Variants in OLFM3 observed in about 807,000 individuals in gnomAD.
OLFM3 encodes noelin-3.
In OLFM3, 20 loss-of-function variants were observed where a neutral mutation model predicts 48.6. The ratio of observed to expected loss-of-function variants is 0.41; its 90% CI spans 0.29 to 0.60. The LOEUF (loss-of-function observed/expected upper bound fraction) is 0.60. Among genes scored for constraint, OLFM3 ranks in the 20% least tolerant of loss-of-function variants. The pLI is 0.28. For synonymous variants in OLFM3, 222 were observed against 198.1 expected, an observed-to-expected ratio of 1.12 and a Z score of -1.01; for missense variants, 437 against 544.3, an observed-to-expected ratio of 0.80 and a Z score of 1.96.
At chr1:101,949,360 C>T (rs1015525481) in intron 1 of OLFM3, among the ~76,000 whole-genome samples, 3 of 152,146 alleles carry the variant, frequency 2.0e-5, no homozygotes, top group Non-Finnish European at 4.4e-5. Flanking sequence ...TAAATGAGTT[C>T]ATGCAATCGT....
chr1:101,925,026 C>T (rs558297616), intron 1 of OLFM3, among the ~76,000 whole-genome samples: 1 of 152,026 alleles, frequency 6.6e-6, no homozygotes, highest in Non-Finnish European at 1.5e-5. Context: ...AAATAAAATA[C>T]AAAACATTCA....
chr1:101,966,350 T>TGTGTGTGTGTGTGC (rs542204512), intron 1 of OLFM3, among the ~76,000 whole-genome samples: 2 of 99,908 alleles, frequency 2.0e-5, no homozygotes, highest in African/African-American at 3.9e-5. Context: ...TGTGTGTGTG[T>TGTGTGTGTGTGTGC]GCGCTACAGA....
chr1:101,955,160 T>C (rs1251051745), intron 1 of OLFM3, among the ~76,000 whole-genome samples: 2 of 151,996 alleles, frequency 1.3e-5, no homozygotes, highest in African/African-American at 2.4e-5. Context: ...ACCTATATCG[T>C]CATTGGAGAT....
At position 101,890,373 on chromosome 1, in the gene OLFM3, A is replaced by G. The variant is rs146066827; in HGVS notation, c.70-53348T>C. Among the ~76,000 whole-genome samples the G allele has an allele frequency of 5.0e-4, 76 of 151,936 alleles. 1 individual carries two copies. Among genetic ancestry groups the G allele is most frequent in the African/African-American group, 1.8e-3 (73 of 41,492 alleles). On this transcript the variant is annotated intron_variant, in intron 1 of 5. Transcript: ENST00000370103. The stretch of plus-strand genomic sequence containing the variant: ...CCTATAGACACACACACACACACAC[A>G]TACACACAGAAAGAGGAAAACAATC...
At chr1:101,922,783 G>A (rs1659139582) in intron 1 of OLFM3, among the ~76,000 whole-genome samples, 1 of 152,148 alleles carries the variant, frequency 6.6e-6, no homozygotes, top group Non-Finnish European at 1.5e-5. Flanking sequence ...GTATCACAAT[G>A]TGCCTATGAA....
At chr1:101,976,135 T>C (rs1021893686) in intron 1 of OLFM3, among the ~76,000 whole-genome samples, 1 of 152,204 alleles carries the variant, frequency 6.6e-6, no homozygotes, top group African/African-American at 2.4e-5. Context: ...AATTTGCAAT[T>C]GGTGATGTGT....
Position 101,990,989 on chromosome 1 carries a change from TAAAAAAAAA to T in OLFM3, c.69+5750_69+5758del, listed in dbSNP as rs58481588. On this transcript the variant is annotated intron_variant, in intron 1 of 5. Coordinates refer to ENST00000370103, the MANE Select transcript of OLFM3 (RefSeq NM_058170.4). ...GACAGAGCGAGACTCTGTCAAAAAG[TAAAAAAAAA>T]AAAAAAAAAAAAAAAAAAATATATA... is the stretch of plus-strand genomic sequence containing the variant. 5.6e-4 allele frequency among the ~76,000 whole-genome samples: 5 copies of T among 8,902 alleles called. No individual in the cohort carries two copies. The South Asian group carries it at 0.033, about 58-fold the overall frequency. 5.8% of individuals were successfully genotyped at this position (8,902 alleles called of 152,430 possible). A position where few individuals can be genotyped will look rare whatever the true frequency, so the allele number is the denominator to read the frequency against.
In OLFM3 at chr1:101,880,705, C is replaced by T. The variant is rs564455315; in HGVS notation, c.70-43680G>A. Among the ~76,000 whole-genome samples the T allele has an allele frequency of 7.0e-4, 106 of 151,886 alleles. 2 individuals are homozygous for T. The highest frequency in any genetic ancestry group is 6.8e-3 in the Middle Eastern group (2 of 292). ...AAGCTTCTGATGATTCAAACCTGTA[C>T]TACTGATTATTAAGCAGGACAGACT... On this transcript the variant is annotated intron_variant, in intron 1 of 5. Transcript: ENST00000370103.
At chr1:101,885,764 T>C (rs992347530) in intron 1 of OLFM3, among the ~76,000 whole-genome samples, 3 of 152,266 alleles carry the variant, frequency 2.0e-5, no homozygotes, top group Middle Eastern at 3.4e-3. Flanking sequence ...ACAAAATGTG[T>C]GTCAATTAAC....
chr1:101,882,016 T>C (rs1424123870), intron 1 of OLFM3, among the ~76,000 whole-genome samples: 2 of 151,346 alleles, frequency 1.3e-5, no homozygotes, highest in Non-Finnish European at 2.9e-5. Context: ...ATGCTTATAA[T>C]CAAAACTTTT....
At chr1:101,972,178 A>T (rs1472791303) in intron 1 of OLFM3, among the ~76,000 whole-genome samples, 1 of 152,166 alleles carries the variant, frequency 6.6e-6, no homozygotes, top group Non-Finnish European at 1.5e-5. Flanking sequence ...AGTAATGATA[A>T]TGTGGCACCT....
At chr1:101,995,140 T>C (rs1220177073) in intron 1 of OLFM3, among the ~76,000 whole-genome samples, 2 of 152,132 alleles carry the variant, frequency 1.3e-5, no homozygotes, top group African/African-American at 4.8e-5. Context: ...CATTTCTGAA[T>C]TTATTTTAAA....
At chr1:101,834,412 A>G (rs1026660999) in intron 2 of OLFM3, among the ~76,000 whole-genome samples, 2 of 152,348 alleles carry the variant, frequency 1.3e-5, no homozygotes, top group Non-Finnish European at 2.9e-5. Flanking sequence ...ATATTCCCTT[A>G]TATGTGACTA....
rs1215046894 is a variant in OLFM3 at position 101,963,373 on chromosome 1, C to T, written c.69+33375G>A. Among the ~76,000 whole-genome samples the T allele has an allele frequency of 2.6e-5, 4 of 152,250 alleles. No individual in the cohort carries two copies. The East Asian group carries it at 5.8e-4, about 22-fold the overall frequency. ...GAGGGTAACCCCTGACTGCAGTAAA[C>T]TTTGACTGGGTCCAGTATAAGTTTT... On this transcript the variant is annotated intron_variant, in intron 1 of 5. Transcript: ENST00000370103.
intron 4 of OLFM3, 110 bp downstream of exon 4, chr1:101,824,916 T>C: frequency 1.1e-6 from 1 of 941,924 alleles, no homozygotes. Flanking sequence ...AAATGGGCTC[T>C]GATTTCTTTA....
intron 1 of OLFM3, chr1:101,893,475 A>T (rs1012412306): frequency 1.4e-5 from 4 of 290,722 alleles, no homozygotes; most frequent in African/African-American, 2.2e-5. Context: ...TGACAAAAGC[A>T]TGAAAGATGG....
At chr1:101,958,835 T>TTTTA (rs1330516478) in intron 1 of OLFM3, among the ~76,000 whole-genome samples, 2 of 146,392 alleles carry the variant, frequency 1.4e-5, no homozygotes, top group Non-Finnish European at 3.0e-5. Context: ...CAAAGTGATA[T>TTTTA]TATATATATA....
At chr1:101,876,363 C>G (rs1362023073) in intron 1 of OLFM3, among the ~76,000 whole-genome samples, 2 of 151,940 alleles carry the variant, frequency 1.3e-5, no homozygotes, top group Non-Finnish European at 2.9e-5. Context: ...CCAAAAGTGC[C>G]TAGGCAACGA....
chr1:101,884,990 A>G (rs1657689677), intron 1 of OLFM3, among the ~76,000 whole-genome samples: 1 of 152,038 alleles, frequency 6.6e-6, no homozygotes, highest in African/African-American at 2.4e-5. Flanking sequence ...ATGCTGTGAA[A>G]GAGAACCCCA....
Sources: allele counts gnomAD v4.1 joint callset (sites outside exome capture counted in the v4.1 genomes callset), GRCh38; gene constraint gnomAD v4.1.1; transcripts MANE v1.5; gene names NCBI Gene and HGNC (gene_info 2026-07-23, HGNC 2026-07-21).